The following USP8 variants were observed in gnomAD, a reference collection of about 807,000 sequenced individuals.
USP8 encodes ubiquitin carboxyl-terminal hydrolase 8.
In USP8, 27 loss-of-function variants were observed where a neutral mutation model predicts 130.0. That is an observed-to-expected ratio of 0.21 (90% CI 0.15 to 0.29). The LOEUF (loss-of-function observed/expected upper bound fraction) is 0.29, where lower values mean the gene tolerates loss of function less well. Among genes scored for constraint, USP8 ranks in the 10% least tolerant of loss-of-function variants. The pLI is 1.00. For missense variants in USP8, 1,029 were observed against 1,312.2 expected, an observed-to-expected ratio of 0.78 and a Z score of 3.33; for synonymous variants, 392 against 444.1, an observed-to-expected ratio of 0.88 and a Z score of 1.48.
rs766417574 is a variant in USP8, at chr15:50,492,708, T to C, written c.2242T>C (p.Cys748Arg). 5.6e-6 allele frequency: 9 copies of C among 1,613,538 alleles called. No homozygotes were observed. In the South Asian group the frequency reaches 7.7e-5, roughly 14 times the overall value. Residue 748 changes from cysteine (C) to arginine (R), a missense_variant, in exon 15 of 20, where the codon TGT becomes CGT. This residue lies in a region of USP8 where 486 missense variants were observed against 522.0 expected (regional missense o/e 0.93). Transcript: ENST00000307179. Reference protein sequence around the residue: ...PTVNRENKPTCYPKAEISRLS... With the variant: ...PTVNRENKPTRYPKAEISRLS... ...ATCCTTTTTCTTCCTCAGGCCAACA[T>C]GTTATCCTAAAGCTGAGATCTCAAG... is the stretch of plus-strand genomic sequence containing the variant.
At position 50,514,416 on chromosome 15, in the gene USP8, G is replaced by T. The variant is rs2052781242; in HGVS notation, c.*15328G>T. The T allele has an allele frequency of 1.3e-5, 2 of 152,066 alleles. No homozygotes were observed. The highest frequency in any genetic ancestry group is 2.9e-5 in the Non-Finnish European group (2 of 68,018). 9.4% of individuals were successfully genotyped at this position (152,066 alleles called of 1,614,324 possible). On this transcript the variant is annotated 3_prime_UTR_variant, in exon 20 of 20. Coordinates refer to ENST00000307179, the MANE Select transcript of USP8 (RefSeq NM_005154.5). ...TTTCACTTCAATAAAGTTTATTTTT[G>T]GTCAAGGGCAGTGTCTCATACCTGT...
chr15:50,485,948 G>A (rs559222164), intron 12 of USP8, among the ~76,000 whole-genome samples: 31 of 152,162 alleles, frequency 2.0e-4, no homozygotes, highest in African/African-American at 7.5e-4. Context: ...TTGTTTAGGG[G>A]ATAATAAAAG....
At chr15:50,433,290 A>C (rs1409602856) in intron 1 of USP8, among the ~76,000 whole-genome samples, 1 of 152,202 alleles carries the variant, frequency 6.6e-6, no homozygotes, top group Non-Finnish European at 1.5e-5. Flanking sequence ...CCTTATACAG[A>C]ACGAGTGTAG....
At chr15:50,433,558 C>T (rs1213112433) in intron 1 of USP8, among the ~76,000 whole-genome samples, 1 of 152,170 alleles carries the variant, frequency 6.6e-6, no homozygotes. Flanking sequence ...AATCCCTACT[C>T]TTTGTCTTAG....
chr15:50,506,977 A>T lies in USP8; in HGVS notation c.*7889A>T, dbSNP rs1362491823. The T allele has an allele frequency of 6.6e-6, 1 of 152,012 alleles. No homozygotes were observed. The highest frequency in any genetic ancestry group is 1.9e-4 in the East Asian group (1 of 5,200). 9.4% of individuals were successfully genotyped at this position (152,012 alleles called of 1,614,324 possible). On this transcript the variant is annotated 3_prime_UTR_variant, in exon 20 of 20. Transcript: ENST00000307179. ...CATCTCAAAAAAAAAAAAAAAAAAA[A>T]AAAAAAAAAAAAATCCAGTTTTAGG...
At chr15:50,495,154 C>T (rs551376618) in intron 16 of USP8, among the ~76,000 whole-genome samples, 48 of 151,788 alleles carry the variant, frequency 3.2e-4, no homozygotes, top group African/African-American at 1.1e-3. Flanking sequence ...TTTTGTCTCA[C>T]ATATTTTGGG....
At position 50,439,010 on chromosome 15, in the gene USP8, A is replaced by G. The variant is rs1461276789; in HGVS notation, c.-64A>G. The G allele has an allele frequency of 1.7e-6, 2 of 1,159,840 alleles. No homozygotes were observed. Among genetic ancestry groups the G allele is most frequent in the East Asian group, 4.9e-5 (2 of 41,014 alleles). 71.8% of individuals were successfully genotyped at this position (1,159,840 alleles called of 1,614,324 possible). On this transcript the variant is annotated splice_region_variant and 5_prime_UTR_variant, in exon 2 of 20. Coordinates refer to ENST00000307179, the MANE Select transcript of USP8 (RefSeq NM_005154.5). Reference sequence around the variant, plus strand: ...TATAATTATTTGTATTTGTTTCAGGAAAGAAGCACTTGTAAGGAAATATAG... The same window carrying G: ...TATAATTATTTGTATTTGTTTCAGGGAAGAAGCACTTGTAAGGAAATATAG...
intron 1 of USP8, among the ~76,000 whole-genome samples, chr15:50,437,338 C>T (rs1338697436): frequency 6.6e-6 from 1 of 152,154 alleles, no homozygotes; most frequent in East Asian, 1.9e-4. Flanking sequence ...TTGCGTTTAA[C>T]ATTTTCTGCT....
At chr15:50,465,514 AC>A (rs2051160796) in intron 7 of USP8, among the ~76,000 whole-genome samples, 1 of 152,138 alleles carries the variant, frequency 6.6e-6, no homozygotes, top group Non-Finnish European at 1.5e-5. Context: ...GGTTGAAGTT[AC>A]GGATTTGCCA....
At chr15:50,460,301 CTT>C (rs1168064692) in intron 5 of USP8, among the ~76,000 whole-genome samples, 913 of 77,376 alleles carry the variant, frequency 0.012, 6 homozygotes, top group African/African-American at 0.02. Context: ...CCTGGCTCTT[CTT>C]TTTTTTTTTT....
chr15:50,448,521 A>AT lies in USP8; in HGVS notation c.250-863dup, dbSNP rs375945346. 8.1e-3 allele frequency among the ~76,000 whole-genome samples: 1,170 copies of AT among 143,974 alleles called. 13 individuals carry two copies. The highest frequency in any genetic ancestry group is 0.024 in the African/African-American group (940 of 39,476). 94.5% of individuals were successfully genotyped at this position (143,974 alleles called of 152,430 possible). ...ACCTTTTGCATTTTTTAAAGGTGGAATTTTTTTTTTTTTTTTAAGACAGAG... is the reference window on the plus strand; with the variant it reads ...ACCTTTTGCATTTTTTAAAGGTGGAATTTTTTTTTTTTTTTTTAAGACAGAG... On this transcript the variant is annotated intron_variant, in intron 3 of 19. Coordinates refer to ENST00000307179, the MANE Select transcript of USP8 (RefSeq NM_005154.5).
intron 8 of USP8, among the ~76,000 whole-genome samples, chr15:50,474,324 T>C (rs1033918275): frequency 7.2e-5 from 11 of 152,162 alleles, no homozygotes; most frequent in African/African-American, 2.7e-4. Context: ...TTATTAACAA[T>C]GATAGCACTG....
chr15:50,431,296 A>G (rs1219572623), intron 1 of USP8, among the ~76,000 whole-genome samples: 1 of 151,872 alleles, frequency 6.6e-6, no homozygotes, highest in African/African-American at 2.4e-5. Context: ...CCATAGTATC[A>G]TTCCCTTGTT....
At chr15:50,440,389 G>A (rs1396740465) in intron 2 of USP8, among the ~76,000 whole-genome samples, 22 of 152,112 alleles carry the variant, frequency 1.4e-4, no homozygotes, top group Non-Finnish European at 4.4e-5. Flanking sequence ...CTGAAGTAGT[G>A]GAACCTAAAT....
At chr15:50,438,887 C>G in intron 1 of USP8, 122 bp from the exon 2 acceptor site, 2 of 474,132 alleles carry the variant, frequency 4.2e-6, no homozygotes, top group South Asian at 6.3e-5. Context: ...AATAGATATT[C>G]TAAACAATTT....
At chr15:50,452,440 T>G in intron 4 of USP8, among the ~76,000 whole-genome samples, 1 of 152,192 alleles carries the variant, frequency 6.6e-6, no homozygotes, top group East Asian at 1.9e-4. Context: ...TTATGGAGAC[T>G]GTAGAACAAA....
In USP8 at chr15:50,503,679, T is replaced by C. The variant is rs1248314343; in HGVS notation, c.*4591T>C. ...ACCAGTTTGGGATTCAAATTTATAC[T>C]ACCTGTGTGGTCTGCGAATCCTGTG... is the stretch of plus-strand genomic sequence containing the variant. On this transcript the variant is annotated 3_prime_UTR_variant, in exon 20 of 20. Coordinates refer to ENST00000307179, the MANE Select transcript of USP8 (RefSeq NM_005154.5). 1 of 152,234 alleles carries C rather than the reference T, an allele frequency of 6.6e-6. No homozygotes were observed. The highest frequency in any genetic ancestry group is 1.5e-5 in the Non-Finnish European group (1 of 68,052). 9.4% of individuals were successfully genotyped at this position (152,234 alleles called of 1,614,324 possible). A position where few individuals can be genotyped will look rare whatever the true frequency, so the allele number is the denominator to read the frequency against.
In USP8 at chr15:50,476,997, T is replaced by C. The variant is rs754378749; in HGVS notation, c.994+4T>C. ...AATGAAGAGGTGTCTATCTCATGTATGTATGTGAAAATTTTTGTTTAAAAT... is the reference window on the plus strand; with the variant it reads ...AATGAAGAGGTGTCTATCTCATGTACGTATGTGAAAATTTTTGTTTAAAAT... On this transcript the variant is annotated splice_donor_region_variant and intron_variant, in intron 9 of 19. Coordinates refer to ENST00000307179, the MANE Select transcript of USP8 (RefSeq NM_005154.5). The C allele has an allele frequency of 5.6e-6, 9 of 1,595,680 alleles. No homozygotes were observed. Among genetic ancestry groups the C allele is most frequent in the Non-Finnish European group, 4.3e-6 (5 of 1,176,238 alleles).
At chr15:50,467,915 TTTTAA>T (rs1333220302) in intron 7 of USP8, among the ~76,000 whole-genome samples, 1 of 151,482 alleles carries the variant, frequency 6.6e-6, no homozygotes, top group East Asian at 1.9e-4. Context: ...ATTTTTTAAA[TTTTAA>T]TTTAATTTAT....
Sources: gnomAD v4.1 joint callset for allele counts (sites outside exome capture counted in the v4.1 genomes callset) on GRCh38, gnomAD v4.1.1 for gene constraint, gnomAD v4.1.1 regional missense constraint, MANE v1.5 for transcripts, NCBI Gene and HGNC (gene_info 2026-07-23, HGNC 2026-07-21) for gene names.